Variants in DOC2A observed in about 807,000 individuals in gnomAD.
The protein encoded by DOC2A is double C2-like domain-containing protein alpha.
A neutral mutation model predicts 40.6 loss-of-function variants in DOC2A; 28 were observed. That is an observed-to-expected ratio of 0.69 (90% confidence interval 0.51 to 0.95). The LOEUF is 0.95. Ranked by LOEUF, DOC2A falls within the 40% of genes least tolerant of loss-of-function variation. DOC2A has a pLI of 0.00. For missense variants in DOC2A, 474 were observed against 552.5 expected (o/e 0.86, Z 1.42); for synonymous variants, 241 against 236.9 (o/e 1.02, Z -0.16).
rs745974183 is a variant in DOC2A at position 30,006,403 on chromosome 16, C to G, written c.1057+10G>C. ...CCGCCCTCAACACCCGCAGCCAGCT[C>G]CTCCCTCACCAATGAAGTCATTGGA... is the stretch of plus-strand genomic sequence containing the variant. On this transcript the variant is annotated intron_variant, in intron 10 of 10. Transcript: ENST00000350119. The surrounding 1 kb of genome is among the most constrained non-coding windows in gnomAD (Gnocchi z 6.2). 3.1e-6 allele frequency: 5 copies of G among 1,613,760 alleles called. No individual in the cohort carries two copies. In the South Asian group the frequency reaches 4.4e-5, roughly 14 times the overall value.
chr16:30,010,675 A>G lies in DOC2A; in HGVS notation c.-14+228T>C, dbSNP rs1015141748. The stretch of plus-strand genomic sequence containing the variant: ...GTGTCACCCACCCCTCTAGGCTCCA[A>G]CTGCCCACTGTCCCCTCATTCAGCC... On this transcript the variant is annotated intron_variant, in intron 1 of 10. Transcript: ENST00000350119. This position sits in a 1 kb window ranked among gnomAD's most constrained non-coding sequence, Gnocchi z 4.2. Among the ~76,000 whole-genome samples, 1 of 151,822 alleles carries G rather than the reference A, an allele frequency of 6.6e-6. No individual in the cohort carries two copies. The highest frequency in any genetic ancestry group is 1.5e-5 in the Non-Finnish European group (1 of 67,928).
upstream of DOC2A, among the ~76,000 whole-genome samples, chr16:30,022,406 C>T (rs2070924910): frequency 1.3e-5 from 2 of 152,222 alleles, no homozygotes; most frequent in African/African-American, 4.8e-5. Flanking sequence ...CATGGTGGCT[C>T]ATGCCTGTAA....
rs1211703641 is a variant in DOC2A at position 30,005,920 on chromosome 16, G to A, written c.*266C>T. 11 of 552,500 alleles carry A rather than the reference G, an allele frequency of 2.0e-5. No individual in the cohort carries two copies. The highest frequency in any genetic ancestry group is 6.4e-6 in the Non-Finnish European group (2 of 311,678). 34.2% of individuals were successfully genotyped at this position (552,500 alleles called of 1,614,324 possible). On this transcript the variant is annotated 3_prime_UTR_variant, in exon 11 of 11. Transcript: ENST00000350119. ...AGGAGTGAGGAGCGCGGGGGCCTGG[G>A]GCCGGGCTCTGAGCACTGCCCGGGT...
chr16:30,011,206 G>T, upstream of DOC2A: 1 of 700,550 alleles, frequency 1.4e-6, no homozygotes, highest in Non-Finnish European at 1.8e-6. Context: ...TCACGCAGGG[G>T]CACGCGGACC....
chr16:30,011,221 C>T (rs568202882), upstream of DOC2A: 11 of 761,180 alleles, frequency 1.4e-5, no homozygotes, highest in South Asian at 5.8e-4. Context: ...CGGACCGGCA[C>T]ACACTCGTGT....
At chr16:30,008,907 G>A (rs1197429297) in intron 5 of DOC2A, 89 bp downstream of exon 5, 1 of 920,786 alleles carries the variant, frequency 1.1e-6, no homozygotes, top group Non-Finnish European at 1.8e-6. Context: ...GAGAGGTACG[G>A]GCTTAATGGG....
chr16:30,013,603 C>CAAAAAAAAAAAAAAAAAAAAAAAAA (rs61309249), upstream of DOC2A: 3 of 34,892 alleles, frequency 8.6e-5, no homozygotes, highest in African/African-American at 3.1e-4. Flanking sequence ...GACCCTGTCT[C>CAAAAAAAAAAAAAAAAAAAAAAAAA]AAAAAAAAAA....
chr16:30,006,476 C>T lies in DOC2A; in HGVS notation c.994G>A (p.Ala332Thr), dbSNP rs190387347. 11 of 1,613,784 alleles carry T rather than the reference C, an allele frequency of 6.8e-6. No individual in the cohort carries two copies. The Admixed American group carries it at 1.7e-4, about 24-fold the overall frequency. Reference protein sequence around the residue: ...FFYEIELSTLATKTLEVTVWD... With the variant: ...FFYEIELSTLTTKTLEVTVWD... ...ACGGTGACTTCCAGGGTCTTGGTGG[C>T]CAGAGTGGAGAGCTCTATCTCGTAG... The change falls in exon 10 of 11, where the codon GCC becomes ACC. Residue 332 changes from alanine (A) to threonine (T), a missense_variant. Physicochemically the swap from Ala to Thr is moderately conservative, Grantham distance 58 (BLOSUM62 0). Coordinates refer to ENST00000350119, the MANE Select transcript of DOC2A (RefSeq NM_003586.3). This position sits in a 1 kb window ranked among gnomAD's most constrained non-coding sequence, Gnocchi z 6.2.
At chr16:30,015,777 G>C (rs1257867124), upstream of DOC2A, among the ~76,000 whole-genome samples, 1 of 137,834 alleles carries the variant, frequency 7.3e-6, no homozygotes, top group Non-Finnish European at 1.5e-5. Flanking sequence ...CATAGCTCAC[G>C]ACATCCTCGA....
At chr16:30,012,969 C>T (rs2070809123), upstream of DOC2A, among the ~76,000 whole-genome samples, 2 of 151,738 alleles carry the variant, frequency 1.3e-5, no homozygotes, top group Non-Finnish European at 2.9e-5. Flanking sequence ...CCAGCCTGGG[C>T]TGTAAGAGCA....
Position 30,005,630 on chromosome 16 carries a change from AC to A in DOC2A, c.*555del. ...AGGGTGGCAGGGGCCCTGCCTTCAAACCCCGGCCCCCTCCAGGGGACAGTTA... is the reference window on the plus strand; with the variant it reads ...AGGGTGGCAGGGGCCCTGCCTTCAAACCCGGCCCCCTCCAGGGGACAGTTA... On this transcript the variant is annotated 3_prime_UTR_variant, in exon 11 of 11. Transcript: ENST00000350119. The A allele has an allele frequency of 4.9e-6, 3 of 606,860 alleles. No individual in the cohort carries two copies. Among genetic ancestry groups the A allele is most frequent in the South Asian group, 2.0e-5 (1 of 49,808 alleles). 37.6% of individuals were successfully genotyped at this position (606,860 alleles called of 1,614,324 possible).
upstream of DOC2A, among the ~76,000 whole-genome samples, chr16:30,016,029 ATATATATATATATATATATATATATAT>A (rs1192319755): frequency 1.8e-5 from 1 of 55,730 alleles, no homozygotes; most frequent in African/African-American, 1.2e-4. Flanking sequence ...TAATATATAT[ATATATATATATATATATATATATATAT>A]TTTTTTTTTT....
upstream of DOC2A, among the ~76,000 whole-genome samples, chr16:30,016,037 ATATATATATATATATATATTTTTTTT>A (rs1567287903): frequency 3.2e-5 from 1 of 31,500 alleles, no homozygotes; most frequent in Non-Finnish European, 5.4e-5. Flanking sequence ...ATATATATAT[ATATATATATATATATATATTTTTTTT>A]TTTTTTTTTT....
upstream of DOC2A, among the ~76,000 whole-genome samples, chr16:30,013,850 G>T (rs962897107): frequency 5.3e-5 from 8 of 152,060 alleles, no homozygotes; most frequent in African/African-American, 1.7e-4. Flanking sequence ...AAGTAGCTGG[G>T]ATTACAGGGG....
At chr16:30,020,454 C>A (rs1040559049) in intron 1 of DOC2A, among the ~76,000 whole-genome samples, 2 of 152,088 alleles carry the variant, frequency 1.3e-5, no homozygotes, top group Non-Finnish European at 2.9e-5. Context: ...CACCTGTCAT[C>A]CCAGCATTTT....
In DOC2A at chr16:30,010,935, G is replaced by T; in HGVS notation, c.-46C>A. The T allele has an allele frequency of 9.9e-7, 1 of 1,014,016 alleles. No homozygotes were observed. The highest frequency in any genetic ancestry group is 1.2e-6 in the Non-Finnish European group (1 of 846,912). The allele number at this position is 1,014,016 out of a possible 1,614,324, so 62.8% of individuals were successfully genotyped here. ...TCCAACAGGTGCCCAGGCACTGGGGGGACGGCGGGCGCAGGCTGGGCGGCG... is the reference window on the plus strand; with the variant it reads ...TCCAACAGGTGCCCAGGCACTGGGGTGACGGCGGGCGCAGGCTGGGCGGCG... On this transcript the variant is annotated 5_prime_UTR_variant, in exon 1 of 11. Transcript: ENST00000350119. The surrounding 1 kb of genome is among the most constrained non-coding windows in gnomAD (Gnocchi z 4.2).
chr16:30,010,524 C>T lies in DOC2A; in HGVS notation c.-13-289G>A, dbSNP rs2070750230. ...TTGTCCCTGTATCATCTTGCCAGCT[C>T]CTTCCTCTCCTCCGGGGCTCCCCTC... On this transcript the variant is annotated intron_variant, in intron 1 of 10. Transcript: ENST00000350119. The surrounding 1 kb of genome is among the most constrained non-coding windows in gnomAD (Gnocchi z 4.2). 1.4e-5 allele frequency: 7 copies of T among 500,508 alleles called. No individual in the cohort carries two copies. The highest frequency in any genetic ancestry group is 2.6e-5 in the Non-Finnish European group (7 of 273,432). The allele number at this position is 500,508 out of a possible 1,614,324, so 31.0% of individuals were successfully genotyped here. A position where few individuals can be genotyped will look rare whatever the true frequency, so the allele number is the denominator to read the frequency against.
intron 1 of DOC2A, among the ~76,000 whole-genome samples, chr16:30,019,394 G>A (rs1317067319): frequency 4.0e-5 from 6 of 151,768 alleles, no homozygotes; most frequent in South Asian, 2.1e-4. Context: ...AGAGTTGCCC[G>A]TCTACTCTAG....
In DOC2A at chr16:30,009,560, GGAGA is replaced by G. The variant is rs1048151795; in HGVS notation, c.263-7_263-4del. 1.3e-6 allele frequency: 2 copies of G among 1,550,918 alleles called. No homozygotes were observed. Among genetic ancestry groups the G allele is most frequent in the African/African-American group, 2.7e-5 (2 of 73,156 alleles). ...AAACTCCAGCGTGCCTAGGGCGGCT[GGAGA>G]GAGAGGAAAGGCAGCATGGGTCGGT... On this transcript the variant is annotated splice_polypyrimidine_tract_variant and splice_region_variant and intron_variant, in intron 2 of 10. Transcript: ENST00000350119. The surrounding 1 kb of genome is among the most constrained non-coding windows in gnomAD (Gnocchi z 4.1).
Sources: allele counts gnomAD v4.1 joint callset (sites outside exome capture counted in the v4.1 genomes callset), GRCh38; gene constraint gnomAD v4.1.1; non-coding constraint Gnocchi (gnomAD v3.1); transcripts MANE v1.5; gene names NCBI Gene and HGNC (gene_info 2026-07-23, HGNC 2026-07-21).